The following CCSER1 variants were observed in gnomAD, a reference collection of about 807,000 sequenced individuals.
The protein encoded by CCSER1 is coiled-coil serine rich protein 1, also known as serine-rich coiled-coil domain-containing protein 1.
CCSER1 carries 41 observed loss-of-function variants against 82.0 expected under a neutral mutation model. That is an observed-to-expected ratio of 0.50 (90% CI 0.39 to 0.65). CCSER1 has a LOEUF of 0.65. CCSER1 is among the 30% of genes least tolerant of loss of function. The pLI is 0.00. For synonymous variants in CCSER1, 414 were observed against 383.9 expected (o/e 1.08, Z -0.92); for missense variants, 1,119 against 1,064.2 (o/e 1.05, Z -0.72).
At chr4:90,494,285 A>G (rs1308527199) in intron 5 of CCSER1, among the ~76,000 whole-genome samples, 5 of 152,212 alleles carry the variant, frequency 3.3e-5, no homozygotes, top group Non-Finnish European at 7.3e-5. Context: ...GTGACCGACA[A>G]AGAGACTTAG....
intron 8 of CCSER1, among the ~76,000 whole-genome samples, chr4:90,823,828 C>A (rs1760088905): frequency 6.6e-6 from 1 of 151,672 alleles, no homozygotes; most frequent in Non-Finnish European, 1.5e-5. Context: ...TTAGTAATTA[C>A]CTATACTGTA....
At chr4:91,164,100 C>G (rs938261904) in intron 10 of CCSER1, among the ~76,000 whole-genome samples, 6 of 152,150 alleles carry the variant, frequency 3.9e-5, no homozygotes, top group African/African-American at 1.4e-4. Flanking sequence ...GTGCTTCCTT[C>G]AGGAGCTCTT....
chr4:90,889,288 T>C (rs537482467), intron 8 of CCSER1, among the ~76,000 whole-genome samples: 1 of 152,266 alleles, frequency 6.6e-6, no homozygotes, highest in East Asian at 1.9e-4. Context: ...AAGCCTTAAT[T>C]ATCTACTGGG....
chr4:91,512,126 G>A (rs1197533625), intron 10 of CCSER1, among the ~76,000 whole-genome samples: 4 of 152,154 alleles, frequency 2.6e-5, no homozygotes, highest in South Asian at 4.1e-4. Context: ...GGTTGATACT[G>A]TCAACTTGAT....
chr4:90,139,834 T>C (rs150080285), intron 1 of CCSER1, among the ~76,000 whole-genome samples: 5,564 of 152,066 alleles, frequency 0.037, 141 homozygotes, highest in South Asian at 0.06. Context: ...GTGGCAGGTA[T>C]CTGTAATCTC....
intron 7 of CCSER1, among the ~76,000 whole-genome samples, chr4:90,809,964 C>A (rs1445700106): frequency 6.6e-6 from 1 of 152,024 alleles, no homozygotes; most frequent in Non-Finnish European, 1.5e-5. Flanking sequence ...CCATGAGAAC[C>A]AGAATAAACA....
At chr4:91,394,541 GT>G (rs940775395) in intron 10 of CCSER1, among the ~76,000 whole-genome samples, 1 of 151,994 alleles carries the variant, frequency 6.6e-6, no homozygotes, top group African/African-American at 2.4e-5. Context: ...GGAACTAGGA[GT>G]AGGTGGCAAT....
intron 10 of CCSER1, among the ~76,000 whole-genome samples, chr4:91,382,481 T>C (rs948674412): frequency 6.6e-6 from 1 of 152,170 alleles, no homozygotes. Context: ...TGAGTGAGGC[T>C]CCATGGTCAT....
At chr4:90,979,370 T>C (rs1040662838) in intron 9 of CCSER1, among the ~76,000 whole-genome samples, 1 of 151,678 alleles carries the variant, frequency 6.6e-6, no homozygotes. Context: ...ATATAAGAGA[T>C]AAGTTCCTAT....
chr4:90,248,354 A>G (rs1341436294), intron 1 of CCSER1, among the ~76,000 whole-genome samples: 2 of 152,190 alleles, frequency 1.3e-5, no homozygotes, highest in Admixed American at 6.5e-5. Context: ...ATAACTTCAC[A>G]TGCATTAGCA....
chr4:90,619,578 G>C (rs1034005694), intron 5 of CCSER1, among the ~76,000 whole-genome samples: 5 of 152,032 alleles, frequency 3.3e-5, no homozygotes, highest in African/African-American at 1.2e-4. Context: ...CCATCTATAT[G>C]AAATGTCTTT....
At chr4:91,472,983 G>C (rs1432172101) in intron 10 of CCSER1, among the ~76,000 whole-genome samples, 10 of 152,116 alleles carry the variant, frequency 6.6e-5, no homozygotes, top group Non-Finnish European at 1.3e-4. Flanking sequence ...TTTTTCCTAT[G>C]ACAGTCTGTG....
intron 9 of CCSER1, among the ~76,000 whole-genome samples, chr4:90,950,547 C>A (rs909142464): frequency 6.6e-6 from 1 of 151,946 alleles, no homozygotes; most frequent in South Asian, 2.1e-4. Context: ...CATACACACA[C>A]GTTGAATTCC....
chr4:90,173,337 T>C (rs1380866301), intron 1 of CCSER1, among the ~76,000 whole-genome samples: 6 of 134,482 alleles, frequency 4.5e-5, no homozygotes, highest in Non-Finnish European at 9.2e-5. Context: ...TGTGTTTTTT[T>C]TCAAAAAAAA....
chr4:90,614,594 A>C (rs1396213448), intron 5 of CCSER1, among the ~76,000 whole-genome samples: 1 of 152,172 alleles, frequency 6.6e-6, no homozygotes, highest in East Asian at 1.9e-4. Flanking sequence ...CAAATCAGTC[A>C]TTACAGTCCC....
At chr4:91,531,181 G>A (rs908730015) in intron 10 of CCSER1, among the ~76,000 whole-genome samples, 4 of 152,128 alleles carry the variant, frequency 2.6e-5, no homozygotes, top group Non-Finnish European at 5.9e-5. Context: ...TAAAATTTAA[G>A]TAAATTCTGC....
At chr4:90,233,488 G>C (rs1203416750) in intron 1 of CCSER1, among the ~76,000 whole-genome samples, 3 of 152,106 alleles carry the variant, frequency 2.0e-5, no homozygotes, top group Non-Finnish European at 4.4e-5. Flanking sequence ...TGGGGAAAGT[G>C]GGGAGGGATA....
chr4:91,348,977 C>T (rs187479986), intron 10 of CCSER1, among the ~76,000 whole-genome samples: 5 of 152,088 alleles, frequency 3.3e-5, no homozygotes, highest in East Asian at 3.9e-4. Flanking sequence ...GGTGAGATCT[C>T]GACTCACTGC....
At chr4:91,265,722 GATAAA>G (rs1415323837) in intron 10 of CCSER1, among the ~76,000 whole-genome samples, 4 of 152,246 alleles carry the variant, frequency 2.6e-5, no homozygotes, top group Admixed American at 6.5e-5. Context: ...TAGGTAAAGA[GATAAA>G]ATAAGCAAGT....
Sources: allele counts gnomAD v4.1 joint callset (sites outside exome capture counted in the v4.1 genomes callset), GRCh38; gene constraint gnomAD v4.1.1; transcripts MANE v1.5; gene names NCBI Gene and HGNC (gene_info 2026-07-23, HGNC 2026-07-21).